Variants in PLEC observed in about 807,000 individuals in gnomAD.
PLEC encodes the protein plectin, also known as hemidesmosomal protein 1.
Under a neutral mutation model 392.8 loss-of-function variants are expected in PLEC, and 216 were observed. The observed-to-expected ratio is 0.55, with a 90% confidence interval of 0.49 to 0.62. The LOEUF is 0.62. Among genes scored for constraint, PLEC ranks in the 20% least tolerant of loss-of-function variants. PLEC has a pLI of 0.00. For synonymous variants in PLEC, 3,621 were observed against 2,980.6 expected (o/e 1.21, Z -7.00); for missense variants, 6,863 against 6,563.4 (o/e 1.05, Z -1.58).
Position 143,925,373 on chromosome 8 carries a change from G to T in PLEC, c.4556C>A (p.Ser1519Ter), listed in dbSNP as rs182120395. Residue 1519 changes from serine to a stop codon, truncating the protein, a stop_gained, in exon 31 of 32, where the codon TCG (serine) becomes TAG (stop). Coordinates refer to ENST00000345136, the MANE Select transcript of PLEC (RefSeq NM_201384.3). LOFTEE classifies it high-confidence loss of function. ...RKRQAEVELA[S>*]RVKAEAEAAR... is the part of the protein sequence containing the mutation. Reference sequence around the variant, plus strand: ...CGCCTCGGCCTCGGCCTTCACGCGCGAGGCCAGCTCCACCTCCGCCTGCCG... The same window carrying T: ...CGCCTCGGCCTCGGCCTTCACGCGCTAGGCCAGCTCCACCTCCGCCTGCCG... The T allele has an allele frequency of 5.1e-6, 8 of 1,566,680 alleles. No homozygotes were observed. In the South Asian group the frequency reaches 9.1e-5, roughly 18 times the overall value.
At chr8:143,974,996 G>A (rs995948146), upstream of PLEC, among the ~76,000 whole-genome samples, 2 of 152,208 alleles carry the variant, frequency 1.3e-5, no homozygotes, top group African/African-American at 2.4e-5. The surrounding 1 kb of genome is among the most constrained non-coding windows in gnomAD (Gnocchi z 5.9). Flanking sequence ...AACCGCCTGG[G>A]CGCGGCCGGC....
chr8:143,951,745 CAG>C (rs1324735276), upstream of PLEC, among the ~76,000 whole-genome samples: 1 of 152,160 alleles, frequency 6.6e-6, no homozygotes, highest in African/African-American at 2.4e-5. Context: ...GTCTGCAGGC[CAG>C]ATGGATGGCT....
exon 1 of PLEC, chr8:143,950,249 G>T: frequency 6.4e-7 from 1 of 1,567,632 alleles, no homozygotes; most frequent in East Asian, 2.4e-5. Context: ...AGGCACCACA[G>T]GGGTCTCAGG....
rs782685276 is a variant in PLEC at position 143,916,324 on chromosome 8, G to A, written c.13497C>T (p.Ala4499=). 124 of 1,589,142 alleles carry A rather than the reference G, an allele frequency of 7.8e-5. No homozygotes were observed. Among genetic ancestry groups the A allele is most frequent in the African/African-American group, 1.2e-4 (9 of 74,198 alleles). ...CGTCAAAGCTGCCGCGGCGGGAGCC[G>A]GCCCGGGAGCCGGTGCGCGAGCCGG... The part of the protein sequence containing the change: ...SRTGSRTGSR[A]GSRRGSFDAT... The change falls in exon 32 of 32, where the codon GCC becomes GCT. Residue 4499 remains alanine, a synonymous_variant. Transcript: ENST00000345136.
intron 1 of PLEC, among the ~76,000 whole-genome samples, chr8:143,960,760 T>G (rs1220875769): frequency 6.6e-6 from 1 of 152,230 alleles, no homozygotes; most frequent in East Asian, 1.9e-4. Context: ...CCCTTCTCCC[T>G]GTCTCCCCCC....
At chr8:143,927,790 T>G in intron 26 of PLEC, 24 bp from the exon 27 acceptor site, 1 of 1,592,582 alleles carries the variant, frequency 6.3e-7, no homozygotes, top group Non-Finnish European at 8.5e-7. Context: ...GAGGGACATG[T>G]GCGGCTTCAG....
At chr8:143,938,569 C>A in intron 2 of PLEC, 62 bp downstream of exon 2, 1 of 1,579,382 alleles carries the variant, frequency 6.3e-7, no homozygotes, top group Non-Finnish European at 8.7e-7. Flanking sequence ...GCAGGGGCCA[C>A]CCTCCCTCAG....
At position 143,921,747 on chromosome 8, in the gene PLEC, G is replaced by C. The variant is rs782383163; in HGVS notation, c.8074C>G (p.Leu2692Val). ...LARREDVRHY[L>V]QGRSSIAGLL... ...CCTGCGATACTGCTGCGGCCCTGCAGGTAGTGGCGCACGTCTTCCCGCCGT... is the reference window on the plus strand; with the variant it reads ...CCTGCGATACTGCTGCGGCCCTGCACGTAGTGGCGCACGTCTTCCCGCCGT... The change falls in exon 32 of 32, where the codon CTG (leucine) becomes GTG (valine). Residue 2692 changes from leucine (L) to valine (V), a missense_variant. Transcript: ENST00000345136. The C allele has an allele frequency of 6.2e-7, 1 of 1,612,586 alleles. No individual in the cohort carries two copies. Among genetic ancestry groups the C allele is most frequent in the Non-Finnish European group, 8.5e-7 (1 of 1,179,882 alleles).
In PLEC at chr8:143,921,621, C is replaced by T; in HGVS notation, c.8200G>A (p.Ala2734Thr). 2 of 1,612,824 alleles carry T rather than the reference C, an allele frequency of 1.2e-6. No individual in the cohort carries two copies. Among genetic ancestry groups the T allele is most frequent in the South Asian group, 2.2e-5 (2 of 91,066 alleles). The change falls in exon 32 of 32, where the codon GCG becomes ACG. Residue 2734 changes from alanine (A) to threonine (T), a missense_variant. Transcript: ENST00000345136. Reference protein sequence around the residue: ...GTALILLEAQAASGFLLDPVR... With the variant: ...GTALILLEAQTASGFLLDPVR... ...GGGTCCAGCAGGAAGCCTGAGGCCG[C>T]CTGCGCCTCCAGCAGGATGAGGGCC...
At chr8:143,947,089 G>C (rs1554732760) in intron 1 of PLEC, among the ~76,000 whole-genome samples, 1 of 152,242 alleles carries the variant, frequency 6.6e-6, no homozygotes. Flanking sequence ...ACTCGGCCAA[G>C]CCAGTGATCC....
chr8:143,931,635 C>T lies in PLEC; in HGVS notation c.2203G>A (p.Glu735Lys), dbSNP rs782702180. 15 of 1,600,240 alleles carry T rather than the reference C, an allele frequency of 9.4e-6. No individual in the cohort carries two copies. The highest frequency in any genetic ancestry group is 1.1e-5 in the Non-Finnish European group (13 of 1,174,128). ...TCCTGCAGCTTCTGCAACTGCCCCTCGGCCTCCCGCACATCTGAGAAGAAC... is the reference window on the plus strand; with the variant it reads ...TCCTGCAGCTTCTGCAACTGCCCCTTGGCCTCCCGCACATCTGAGAAGAAC... ...FQFFSDVREA[E>K]GQLQKLQEAL... The change falls in exon 19 of 32, where the codon GAG becomes AAG. Residue 735 changes from glutamate (E) to lysine (K), a missense_variant. Transcript: ENST00000345136.
In PLEC at chr8:143,936,155, G is replaced by A. The variant is rs114878132; in HGVS notation, c.436-141C>T. On this transcript the variant is annotated intron_variant, in intron 5 of 31. Coordinates refer to ENST00000345136, the MANE Select transcript of PLEC (RefSeq NM_201384.3). The stretch of plus-strand genomic sequence containing the variant: ...CCACCAAACCAGCCAGGGCAGCACC[G>A]GGCTCCAGGGCCCTTCCCTGTTGGG... 7,746 of 882,492 alleles carry A rather than the reference G, an allele frequency of 8.8e-3. 113 individuals are homozygous for A. The highest frequency in any genetic ancestry group is 0.054 in the African/African-American group (3,287 of 60,420). 54.7% of individuals were successfully genotyped at this position (882,492 alleles called of 1,614,324 possible).
At chr8:143,966,461 C>T (rs1026392214) in intron 1 of PLEC, among the ~76,000 whole-genome samples, 3 of 152,214 alleles carry the variant, frequency 2.0e-5, no homozygotes, top group Non-Finnish European at 4.4e-5. Context: ...CCCTCTCTGC[C>T]GCAGGCACAT....
Position 143,924,592 on chromosome 8 carries a change from G to A in PLEC, c.5337C>T (p.Arg1779=), listed in dbSNP as rs1554698245. The A allele has an allele frequency of 6.5e-7, 1 of 1,549,656 alleles. No individual in the cohort carries two copies. The highest frequency in any genetic ancestry group is 8.7e-7 in the Non-Finnish European group (1 of 1,154,654). ...TCTGCTTGGACTTCTCGCTGGTGGA[G>A]CGCGACTCCTCCTCAGCCCTCGCCT... The part of the protein sequence containing the change: ...ASKARAEEES[R]STSEKSKQRL... Residue 1779 remains arginine, a synonymous_variant, in exon 31 of 32, where the codon CGC becomes CGT. Coordinates refer to ENST00000345136, the MANE Select transcript of PLEC (RefSeq NM_201384.3).
chr8:143,937,574 G>A, intron 3 of PLEC: 1 of 481,812 alleles, frequency 2.1e-6, no homozygotes, highest in Non-Finnish European at 3.9e-6. Flanking sequence ...GCAGCCACCG[G>A]TGGGTCCCAG....
chr8:143,946,336 T>A, intron 1 of PLEC: 1 of 1,288,192 alleles, frequency 7.8e-7, no homozygotes, highest in Non-Finnish European at 1.0e-6. Context: ...AGCCCCCAGC[T>A]CTGCCTGCCC....
rs782144631 is a variant in PLEC, at chr8:143,930,009, T to G, written c.2666A>C (p.Asp889Ala). The G allele has an allele frequency of 6.2e-7, 1 of 1,612,266 alleles. No individual in the cohort carries two copies. Among genetic ancestry groups the G allele is most frequent in the Non-Finnish European group, 8.5e-7 (1 of 1,179,738 alleles). The change falls in exon 22 of 32, where the codon GAC (aspartate) becomes GCC (alanine). Residue 889 changes from aspartate to alanine, a missense_variant. Asp to Ala is a moderately radical substitution (Grantham distance 126, BLOSUM62 -2). Transcript: ENST00000345136. ...CTGCCAGGCCAGAAGGCTCTTCATG[T>G]CCACGTGCAACTGGTGCCACAGCGT... is the stretch of plus-strand genomic sequence containing the variant. Reference protein sequence around the residue: ...LVTLWHQLHVDMKSLLAWQSL... With the variant: ...LVTLWHQLHVAMKSLLAWQSL...
rs1554715432 is a variant in PLEC, at chr8:143,931,586, C to T, written c.2252G>A (p.Cys751Tyr). ...CCGGGTGACGGTGGCGGAGCGATCA[C>T]AACTGTATTTCCTACGCAGTGCCTC... ...LQEALRRKYS[C>Y]DRSATVTRLE... The change falls in exon 19 of 32, where the codon TGT becomes TAT. Residue 751 changes from cysteine to tyrosine, a missense_variant. Cys to Tyr is a radical substitution (Grantham distance 194). Coordinates refer to ENST00000345136, the MANE Select transcript of PLEC (RefSeq NM_201384.3). 1.1e-5 allele frequency: 17 copies of T among 1,599,358 alleles called. No homozygotes were observed. The highest frequency in any genetic ancestry group is 2.3e-5 in the East Asian group (1 of 44,344).
chr8:143,920,733 A>T lies in PLEC; in HGVS notation c.9088T>A (p.Trp3030Arg). ...LRGANVIAGV[W>R]LEEAGQKLSI... ...AGCTTCTGCCCCGCCTCCTCCAGCC[A>T]TACACCCGCGATGACGTTGGCACCC... The change falls in exon 32 of 32, where the codon TGG (tryptophan) becomes AGG (arginine). Residue 3030 changes from tryptophan to arginine, a missense_variant. Coordinates refer to ENST00000345136, the MANE Select transcript of PLEC (RefSeq NM_201384.3). 6.2e-7 allele frequency: 1 copy of T among 1,604,086 alleles called. No homozygotes were observed.
Sources: allele counts gnomAD v4.1 joint callset (sites outside exome capture counted in the v4.1 genomes callset), GRCh38; gene constraint gnomAD v4.1.1; non-coding constraint Gnocchi (gnomAD v3.1); transcripts MANE v1.5; gene names NCBI Gene and HGNC (gene_info 2026-07-23, HGNC 2026-07-21).